Variants in ANKS1B observed in about 807,000 individuals in gnomAD.
ANKS1B encodes the protein ankyrin repeat and sterile alpha motif domain containing 1B.
In ANKS1B, 36 loss-of-function variants were observed where a neutral mutation model predicts 148.3. The observed-to-expected ratio is 0.24, with a 90% CI of 0.19 to 0.32. The LOEUF is 0.32. Ranked by LOEUF, ANKS1B falls within the 10% of genes least tolerant of loss-of-function variation. The pLI, the probability that ANKS1B is intolerant of heterozygous loss-of-function variation, is 1.00. For synonymous variants in ANKS1B, 542 were observed against 560.8 expected, an observed-to-expected ratio of 0.97 and a Z score of 0.47; for missense variants, 1,157 against 1,542.6, an observed-to-expected ratio of 0.75 and a Z score of 4.19.
chr12:99,012,410 G>A (rs2099939990), intron 17 of ANKS1B, among the ~76,000 whole-genome samples: 1 of 152,124 alleles, frequency 6.6e-6, no homozygotes, highest in Non-Finnish European at 1.5e-5. Context: ...TGATGCTATA[G>A]TTTCACTACT....
At chr12:98,892,999 G>C (rs1057090784) in intron 17 of ANKS1B, among the ~76,000 whole-genome samples, 1 of 152,184 alleles carries the variant, frequency 6.6e-6, no homozygotes, top group Admixed American at 6.5e-5. Flanking sequence ...TTCCATCCTT[G>C]AACAAGGAGC....
intron 14 of ANKS1B, among the ~76,000 whole-genome samples, chr12:99,166,583 A>G (rs1468930270): frequency 2.6e-5 from 4 of 152,038 alleles, no homozygotes; most frequent in Admixed American, 1.3e-4. Context: ...GTCAAGACCA[A>G]TTAAATATTG....
intron 10 of ANKS1B, among the ~76,000 whole-genome samples, chr12:99,486,871 T>C (rs996089519): frequency 1.3e-5 from 2 of 152,172 alleles, no homozygotes; most frequent in African/African-American, 2.4e-5. Context: ...CCTGACCCTG[T>C]AGGGTGCTCC....
intron 15 of ANKS1B, among the ~76,000 whole-genome samples, chr12:99,117,886 G>A (rs1282900220): frequency 1.3e-5 from 2 of 152,180 alleles, no homozygotes; most frequent in East Asian, 3.8e-4. Context: ...ATTGTTATTG[G>A]TCTATTCAGG....
intron 14 of ANKS1B, among the ~76,000 whole-genome samples, chr12:99,211,373 T>C (rs1317355879): frequency 6.6e-6 from 1 of 152,202 alleles, no homozygotes. Flanking sequence ...CAGTTTTAGC[T>C]GGCAGGATTA....
In ANKS1B at chr12:99,115,851, G is replaced by A. The variant is rs534840681; in HGVS notation, c.2527-30828C>T. Reference sequence around the variant, plus strand: ...GGAGGCTGAGGCAGGAGAATCACTTGAACCCAGGAGGCAGAGGTTGCAGTG... The same window carrying A: ...GGAGGCTGAGGCAGGAGAATCACTTAAACCCAGGAGGCAGAGGTTGCAGTG... On this transcript the variant is annotated intron_variant, in intron 15 of 26. Transcript: ENST00000683438. Among the ~76,000 whole-genome samples the A allele has an allele frequency of 3.4e-3, 496 of 147,158 alleles. 1 individual carries two copies. The highest frequency in any genetic ancestry group is 5.6e-3 in the South Asian group (26 of 4,656).
chr12:99,391,259 GT>G (rs1397654343), intron 12 of ANKS1B, among the ~76,000 whole-genome samples: 1 of 152,034 alleles, frequency 6.6e-6, no homozygotes, highest in Non-Finnish European at 1.5e-5. Context: ...ATCTCTCTTC[GT>G]TTAAAACACC....
At chr12:99,437,000 T>G (rs1024491309) in intron 11 of ANKS1B, among the ~76,000 whole-genome samples, 25 of 152,122 alleles carry the variant, frequency 1.6e-4, no homozygotes, top group African/African-American at 6.0e-4. Context: ...GGTTTTGGGT[T>G]AGTGGTGAGG....
At chr12:99,533,884 GATAA>G (rs1268107050) in intron 9 of ANKS1B, among the ~76,000 whole-genome samples, 16 of 152,006 alleles carry the variant, frequency 1.1e-4, no homozygotes, top group East Asian at 3.9e-4. Context: ...CAAAAGAATG[GATAA>G]ATAAATAACA....
intron 1 of ANKS1B, among the ~76,000 whole-genome samples, chr12:99,829,857 A>T (rs1237400604): frequency 6.6e-6 from 1 of 152,074 alleles, no homozygotes; most frequent in African/African-American, 2.4e-5. Flanking sequence ...ACAAAAAAGG[A>T]CCAGGATAGC....
intron 9 of ANKS1B, among the ~76,000 whole-genome samples, chr12:99,581,868 A>G (rs1417681247): frequency 2.0e-5 from 3 of 149,574 alleles, no homozygotes; most frequent in Non-Finnish European, 4.4e-5. Context: ...TCCGCAGTCC[A>G]GCCTGGGCGA....
At chr12:99,201,726 AAC>A (rs1421300091) in intron 14 of ANKS1B, among the ~76,000 whole-genome samples, 2 of 152,214 alleles carry the variant, frequency 1.3e-5, no homozygotes, top group Non-Finnish European at 2.9e-5. Context: ...GCTGAAAGAA[AAC>A]ACACATTTAC....
chr12:99,264,378 C>T (rs996072923), intron 12 of ANKS1B, among the ~76,000 whole-genome samples: 10 of 152,020 alleles, frequency 6.6e-5, no homozygotes, highest in African/African-American at 2.2e-4. Context: ...TATTAAATGT[C>T]TTAATATTCT....
chr12:99,629,719 A>G (rs985079039), intron 9 of ANKS1B, among the ~76,000 whole-genome samples: 1 of 152,150 alleles, frequency 6.6e-6, no homozygotes, highest in Non-Finnish European at 1.5e-5. Context: ...ACTTATTAAA[A>G]AGGTAAAATG....
At chr12:99,927,659 G>C (rs1481788140) in intron 1 of ANKS1B, among the ~76,000 whole-genome samples, 1 of 152,064 alleles carries the variant, frequency 6.6e-6, no homozygotes, top group Non-Finnish European at 1.5e-5. Flanking sequence ...GCTCACACCT[G>C]TAATACCAGC....
At chr12:99,959,842 T>G (rs964183013) in intron 1 of ANKS1B, among the ~76,000 whole-genome samples, 1 of 152,186 alleles carries the variant, frequency 6.6e-6, no homozygotes, top group African/African-American at 2.4e-5. Context: ...GTGAAGAGCT[T>G]ATTATAAAGG....
chr12:99,958,996 C>T (rs1442295004), intron 1 of ANKS1B, among the ~76,000 whole-genome samples: 1 of 151,116 alleles, frequency 6.6e-6, no homozygotes, highest in Non-Finnish European at 1.5e-5. Context: ...AAATGAATTA[C>T]AGATACAGGT....
At chr12:99,931,463 T>C (rs888810191) in intron 1 of ANKS1B, among the ~76,000 whole-genome samples, 1 of 152,166 alleles carries the variant, frequency 6.6e-6, no homozygotes, top group African/African-American at 2.4e-5. Context: ...CCAGGAAATA[T>C]GTCTTGTAAT....
intron 15 of ANKS1B, among the ~76,000 whole-genome samples, chr12:99,114,735 G>C (rs961368792): frequency 4.6e-5 from 7 of 151,688 alleles, no homozygotes; most frequent in Admixed American, 4.6e-4. Flanking sequence ...CTTGGTGACA[G>C]AGCGAGACTC....
Sources: gnomAD v4.1 joint callset for allele counts (sites outside exome capture counted in the v4.1 genomes callset) on GRCh38, gnomAD v4.1.1 for gene constraint, MANE v1.5 for transcripts, NCBI Gene and HGNC (gene_info 2026-07-23, HGNC 2026-07-21) for gene names.